SNX8: variants seen among roughly 807,000 people sequenced by gnomAD.
SNX8 encodes the protein sorting nexin-8.
Under a neutral mutation model 51.6 loss-of-function variants are expected in SNX8, and 25 were observed. The ratio of observed to expected loss-of-function variants is 0.48; its 90% CI spans 0.35 to 0.68. The LOEUF (loss-of-function observed/expected upper bound fraction) is 0.68, where lower values mean the gene tolerates loss of function less well. SNX8 is among the 30% of genes least tolerant of loss of function. The probability of loss-of-function intolerance (pLI) is 0.00; values close to 1 mark genes in which losing one functional copy is unlikely to be tolerated. For missense variants in SNX8, 695 were observed against 624.0 expected, an observed-to-expected ratio of 1.11 and a Z score of -1.21; for synonymous variants, 324 against 277.0, an observed-to-expected ratio of 1.17 and a Z score of -1.68.
chr7:2,352,666 A>C (rs112635499), intron 1 of SNX8, among the ~76,000 whole-genome samples: 1 of 151,892 alleles, frequency 6.6e-6, no homozygotes, highest in Admixed American at 6.6e-5. Context: ...CCTCGTCTCT[A>C]CTAAAAAAAT....
intron 3 of SNX8, among the ~76,000 whole-genome samples, chr7:2,272,404 C>T (rs1488931675): frequency 6.7e-6 from 1 of 150,180 alleles, no homozygotes; most frequent in Non-Finnish European, 1.5e-5. Context: ...GACAGAGTTT[C>T]GCTCCTGTTG....
intron 1 of SNX8, among the ~76,000 whole-genome samples, chr7:2,351,442 C>A (rs774370359): frequency 6.6e-6 from 1 of 151,846 alleles, no homozygotes; most frequent in African/African-American, 2.4e-5. Flanking sequence ...CTACCAGATA[C>A]TCAGGAAGCT....
chr7:2,273,699 T>C (rs551197838), intron 3 of SNX8, among the ~76,000 whole-genome samples: 61 of 148,942 alleles, frequency 4.1e-4, no homozygotes, highest in African/African-American at 1.2e-3. Context: ...GTCAGGAGAT[T>C]GAGACCATCC....
intron 1 of SNX8, among the ~76,000 whole-genome samples, chr7:2,347,496 A>G (rs1427271622): frequency 4.8e-5 from 6 of 123,908 alleles, no homozygotes; most frequent in South Asian, 3.1e-4. Context: ...AAAAAAAAAA[A>G]AAAGAAAAAA....
At chr7:2,304,933 G>A (rs1225551913) in intron 1 of SNX8, among the ~76,000 whole-genome samples, 1 of 152,182 alleles carries the variant, frequency 6.6e-6, no homozygotes, top group African/African-American at 2.4e-5. Context: ...ATAATGAACT[G>A]TGCCCAGTAA....
intron 1 of SNX8, among the ~76,000 whole-genome samples, chr7:2,330,013 T>C (rs1223785922): frequency 7.0e-6 from 1 of 142,994 alleles, no homozygotes; most frequent in Non-Finnish European, 1.5e-5. Context: ...GTATTTTCAG[T>C]AGAGACTGGA....
chr7:2,306,460 A>G (rs1263513794), intron 1 of SNX8, among the ~76,000 whole-genome samples: 1 of 152,194 alleles, frequency 6.6e-6, no homozygotes, highest in Non-Finnish European at 1.5e-5. Flanking sequence ...TTTTCTGGAA[A>G]ACATGTGGCA....
In SNX8 at chr7:2,303,162, C is replaced by T. The variant is rs539591556; in HGVS notation, c.94+11166G>A. 2.0e-5 allele frequency among the ~76,000 whole-genome samples: 3 copies of T among 149,534 alleles called. No individual in the cohort carries two copies. The South Asian group carries it at 6.4e-4, about 32-fold the overall frequency. ...CCCGTCCGGGAGGTGAGGAGTGCCT[C>T]TGCCCAGCCGTCCCTACTGGGAAGT... On this transcript the variant is annotated intron_variant, in intron 1 of 10. Coordinates refer to ENST00000222990, the MANE Select transcript of SNX8 (RefSeq NM_013321.4).
intron 1 of SNX8, among the ~76,000 whole-genome samples, chr7:2,294,787 C>T (rs188922416): frequency 4.1e-4 from 63 of 152,192 alleles, no homozygotes; most frequent in African/African-American, 1.4e-3. Context: ...GTAATCCCAG[C>T]ACTTTGTGAG....
At chr7:2,282,290 C>T (rs934748224) in intron 1 of SNX8, among the ~76,000 whole-genome samples, 1 of 152,160 alleles carries the variant, frequency 6.6e-6, no homozygotes, top group Non-Finnish European at 1.5e-5. Flanking sequence ...GTGCCTTCCA[C>T]ACAATGTGTG....
At chr7:2,336,706 C>CA (rs999107389) in intron 1 of SNX8, among the ~76,000 whole-genome samples, 1 of 148,870 alleles carries the variant, frequency 6.7e-6, no homozygotes, top group Non-Finnish European at 1.5e-5. Flanking sequence ...GACTCCTTCT[C>CA]AAAAAAATAA....
intron 4 of SNX8, 67 bp from the exon 5 acceptor site, chr7:2,269,706 G>A (rs1324380703): frequency 1.0e-5 from 11 of 1,055,880 alleles, no homozygotes; most frequent in Admixed American, 4.5e-5. Flanking sequence ...GTGGGGTATG[G>A]GTCACTGTGG....
At chr7:2,342,849 G>C (rs2115246771) in intron 1 of SNX8, among the ~76,000 whole-genome samples, 1 of 151,878 alleles carries the variant, frequency 6.6e-6, no homozygotes, top group East Asian at 2.0e-4. Flanking sequence ...TTGAGACGGA[G>C]TCTCGCTCTG....
intron 1 of SNX8, among the ~76,000 whole-genome samples, chr7:2,332,137 G>T (rs1266070517): frequency 6.7e-6 from 1 of 148,238 alleles, no homozygotes; most frequent in Non-Finnish European, 1.5e-5. Flanking sequence ...AGCCTCGGAA[G>T]CAAAGGTTGC....
upstream of SNX8, among the ~76,000 whole-genome samples, chr7:2,316,315 A>G (rs1796756198): frequency 6.7e-6 from 1 of 148,954 alleles, no homozygotes; most frequent in Admixed American, 6.7e-5. Context: ...TGCATCCTGC[A>G]TTCATTCACC....
At chr7:2,324,528 C>A (rs1434200925) in intron 1 of SNX8, among the ~76,000 whole-genome samples, 1 of 151,928 alleles carries the variant, frequency 6.6e-6, no homozygotes, top group Non-Finnish European at 1.5e-5. Flanking sequence ...TGAGCTCAGG[C>A]AATCTGCCCA....
rs763434250 is a variant in SNX8, at chr7:2,263,251, G to A, written c.894C>T (p.Leu298=). 9 of 1,613,904 alleles carry A rather than the reference G, an allele frequency of 5.6e-6. No homozygotes were observed. The highest frequency in any genetic ancestry group is 4.5e-5 in the East Asian group (2 of 44,876). Residue 298 remains leucine (L), a synonymous_variant, in exon 7 of 11, where the codon CTC becomes CTT. Transcript: ENST00000222990. ...TCACCTGTTGTGCAGCCTTGTCGGCGAGCAGCGCGAATTCCACAGACAGGC... is the reference window on the plus strand; with the variant it reads ...TCACCTGTTGTGCAGCCTTGTCGGCAAGCAGCGCGAATTCCACAGACAGGC... ...LKGLSVEFAL[L]ADKAAQQGKQ...
At chr7:2,320,787 G>A (rs545071663) in intron 1 of SNX8, among the ~76,000 whole-genome samples, 11 of 152,002 alleles carry the variant, frequency 7.2e-5, no homozygotes, top group South Asian at 4.1e-4. Flanking sequence ...TTGGGAGGCC[G>A]AGGCGGGCGG....
chr7:2,263,432 TCCC>T, intron 6 of SNX8, 70 bp from the exon 7 acceptor site: 1 of 1,461,182 alleles, frequency 6.8e-7, no homozygotes, highest in Non-Finnish European at 9.3e-7. Flanking sequence ...GAGTCTGGCA[TCCC>T]CCCCGACAGA....
Sources: allele counts gnomAD v4.1 joint callset (sites outside exome capture counted in the v4.1 genomes callset), GRCh38; gene constraint gnomAD v4.1.1; transcripts MANE v1.5; gene names NCBI Gene and HGNC (gene_info 2026-07-23, HGNC 2026-07-21).